RPAP2: variants seen among roughly 807,000 people sequenced by gnomAD.
RPAP2 encodes the protein putative RNA polymerase II subunit B1 CTD phosphatase RPAP2.
A neutral mutation model predicts 73.1 loss-of-function variants in RPAP2; 52 were observed. That is an observed-to-expected ratio of 0.71 (90% confidence interval 0.57 to 0.90). RPAP2 has a LOEUF of 0.90. Among genes scored for constraint, RPAP2 ranks in the 40% least tolerant of loss-of-function variants. The pLI is 0.00. For synonymous variants in RPAP2, 225 were observed against 242.1 expected (o/e 0.93, Z 0.65); for missense variants, 598 against 701.8 (o/e 0.85, Z 1.67).
chr1:92,376,267 G>C (rs964818376), intron 11 of RPAP2, among the ~76,000 whole-genome samples: 2 of 151,990 alleles, frequency 1.3e-5, no homozygotes, highest in Non-Finnish European at 2.9e-5. Context: ...GGAGGTCCTG[G>C]AGCCAATCCC....
rs145027694 is a variant in RPAP2 at position 92,389,668 on chromosome 1, A to C, written c.*2657A>C. ...TTGAAAAAAGGTTAGACAAATGGCT[A>C]ACTAGAATAACCAGTGTAGAGAAGA... On this transcript the variant is annotated 3_prime_UTR_variant, in exon 13 of 13. Transcript: ENST00000610020. 6.6e-6 allele frequency: 1 copy of C among 152,354 alleles called. No individual in the cohort carries two copies. The highest frequency in any genetic ancestry group is 1.9e-4 in the East Asian group (1 of 5,188). The allele number at this position is 152,354 out of a possible 1,614,324, so 9.4% of individuals were successfully genotyped here. A position where few individuals can be genotyped will look rare whatever the true frequency, so the allele number is the denominator to read the frequency against.
chr1:92,367,301 T>G (rs1465597158), intron 11 of RPAP2, among the ~76,000 whole-genome samples: 1 of 152,246 alleles, frequency 6.6e-6, no homozygotes, highest in Admixed American at 6.5e-5. Flanking sequence ...GATTCTTTAC[T>G]TACCCAACCC....
At chr1:92,375,756 A>C (rs903021963) in intron 11 of RPAP2, among the ~76,000 whole-genome samples, 4 of 152,096 alleles carry the variant, frequency 2.6e-5, no homozygotes, top group African/African-American at 4.8e-5. Flanking sequence ...ACTTGAACCC[A>C]AGAGGCGGAG....
At chr1:92,371,319 A>ATAT (rs1553155687) in intron 11 of RPAP2, among the ~76,000 whole-genome samples, 20 of 61,720 alleles carry the variant, frequency 3.2e-4, no homozygotes, top group Middle Eastern at 8.1e-3. Flanking sequence ...AAAAAAAAAA[A>ATAT]ATATATATAT....
chr1:92,352,898 T>G (rs938499399), intron 11 of RPAP2, among the ~76,000 whole-genome samples: 11 of 152,194 alleles, frequency 7.2e-5, no homozygotes, highest in African/African-American at 2.7e-4. Context: ...ATCCATTCTC[T>G]TATCTTGACA....
At chr1:92,308,270 CATAAT>C (rs1210032367) in intron 6 of RPAP2, among the ~76,000 whole-genome samples, 2 of 152,206 alleles carry the variant, frequency 1.3e-5, no homozygotes, top group African/African-American at 2.4e-5. Context: ...TTGAGTTAAA[CATAAT>C]TAAGACTAAA....
chr1:92,320,382 C>A (rs1380406512), intron 6 of RPAP2, among the ~76,000 whole-genome samples: 1 of 152,142 alleles, frequency 6.6e-6, no homozygotes, highest in Non-Finnish European at 1.5e-5. Context: ...AAGCGATTCT[C>A]CTGCCTCAGC....
intron 11 of RPAP2, among the ~76,000 whole-genome samples, chr1:92,349,437 TATAATGCC>T (rs780686921): frequency 1.3e-5 from 2 of 152,222 alleles, no homozygotes; most frequent in African/African-American, 2.4e-5. Context: ...AGTATGTTGC[TATAATGCC>T]ACAAGTCTAA....
chr1:92,301,349 A>T (rs1650843528), intron 2 of RPAP2, 127 bp from the exon 3 acceptor site: 2 of 387,410 alleles, frequency 5.2e-6, no homozygotes, highest in African/African-American at 2.1e-5. Flanking sequence ...ATTTTTATTC[A>T]AAAAATTTTT....
At chr1:92,323,373 T>C in intron 7 of RPAP2, 72 bp from the exon 8 acceptor site, 1 of 1,113,156 alleles carries the variant, frequency 9.0e-7, no homozygotes, top group Non-Finnish European at 1.3e-6. Flanking sequence ...TGGGGTACTT[T>C]ACTTTTCTAT....
intron 11 of RPAP2, among the ~76,000 whole-genome samples, chr1:92,364,157 C>T (rs776415594): frequency 7.9e-5 from 12 of 152,134 alleles, no homozygotes; most frequent in Non-Finnish European, 1.6e-4. Context: ...GATGAGGCTA[C>T]AGATCATGGA....
intron 8 of RPAP2, among the ~76,000 whole-genome samples, chr1:92,328,183 G>A (rs1016062339): frequency 6.6e-6 from 1 of 152,150 alleles, no homozygotes; most frequent in African/African-American, 2.4e-5. Context: ...TGAGCTTCTT[G>A]TATTTGGATG....
At chr1:92,351,906 A>G (rs946865597) in intron 11 of RPAP2, among the ~76,000 whole-genome samples, 7 of 152,166 alleles carry the variant, frequency 4.6e-5, no homozygotes, top group Non-Finnish European at 7.3e-5. Context: ...TCTGTGGTCA[A>G]TTGTATCATA....
chr1:92,381,129 G>A (rs553283856), intron 12 of RPAP2, among the ~76,000 whole-genome samples: 64 of 152,060 alleles, frequency 4.2e-4, no homozygotes, highest in African/African-American at 1.4e-3. Flanking sequence ...AGGAAGCTCC[G>A]CATTATCAGT....
chr1:92,319,167 C>T (rs559238648), intron 6 of RPAP2, among the ~76,000 whole-genome samples: 1 of 152,126 alleles, frequency 6.6e-6, no homozygotes, highest in Admixed American at 6.5e-5. Flanking sequence ...GAAATGACAC[C>T]TCTCTGAAAC....
At chr1:92,368,327 C>T (rs1258176205) in intron 11 of RPAP2, among the ~76,000 whole-genome samples, 2 of 151,934 alleles carry the variant, frequency 1.3e-5, no homozygotes, top group South Asian at 2.1e-4. Flanking sequence ...TGCAGTGAGC[C>T]GAGATCGTGC....
intron 5 of RPAP2, among the ~76,000 whole-genome samples, chr1:92,305,165 G>A (rs1000629903): frequency 3.3e-5 from 5 of 151,906 alleles, no homozygotes; most frequent in Middle Eastern, 3.4e-3. Context: ...GGGCGCCCTG[G>A]CTCAAGCCTG....
intron 11 of RPAP2, among the ~76,000 whole-genome samples, chr1:92,350,591 T>C (rs1906279): frequency 0.86 from 131,407 of 152,206 alleles, 57,157 homozygotes; most frequent in East Asian, 1. Context: ...GTTAGGCTCT[T>C]TCCACAATCT....
At chr1:92,351,305 C>CAAAAAAAAAAAAAAAAAAAA (rs60111119) in intron 11 of RPAP2, among the ~76,000 whole-genome samples, 8 of 86,838 alleles carry the variant, frequency 9.2e-5, no homozygotes, top group African/African-American at 3.4e-4. Context: ...GACTCTGTCT[C>CAAAAAAAAAAAAAAAAAAAA]AAAAAAAAAA....
Sources: allele counts gnomAD v4.1 joint callset (sites outside exome capture counted in the v4.1 genomes callset), GRCh38; gene constraint gnomAD v4.1.1; transcripts MANE v1.5; gene names NCBI Gene and HGNC (gene_info 2026-07-23, HGNC 2026-07-21).